The following ARB2A variants were observed in gnomAD, a reference collection of about 807,000 sequenced individuals.
ARB2A encodes ARB2 cotranscriptional regulator A.
At chr5:93,824,215 G>A in the ARB2A span, 2 of 1,593,128 alleles carry the variant, frequency 1.3e-6, no homozygotes, top group Non-Finnish European at 1.7e-6. Flanking sequence ...AGCAGCCTGA[G>A]CTATGAAATG....
At chr5:94,065,273 G>A in the ARB2A span, among the ~76,000 whole-genome samples, 1 of 152,148 alleles carries the variant, frequency 6.6e-6, no homozygotes, top group Non-Finnish European at 1.5e-5. Flanking sequence ...CAGCACTTTG[G>A]GGGGCTGAGG....
the ARB2A span, among the ~76,000 whole-genome samples, chr5:93,995,089 G>A: frequency 6.6e-6 from 1 of 152,080 alleles, no homozygotes; most frequent in Non-Finnish European, 1.5e-5. Flanking sequence ...AAAGTTGAGA[G>A]AAATGTAAAC....
chr5:93,899,062 A>G, the ARB2A span, among the ~76,000 whole-genome samples: 8 of 152,284 alleles, frequency 5.3e-5, no homozygotes, highest in East Asian at 1.5e-3. Flanking sequence ...TATGGTAAAT[A>G]GTTCCTAATT....
At chr5:93,971,011 T>A in the ARB2A span, among the ~76,000 whole-genome samples, 17 of 152,092 alleles carry the variant, frequency 1.1e-4, 1 homozygote, top group East Asian at 7.8e-4. Flanking sequence ...CTTTTTTTTT[T>A]AATTTGAGAT....
At chr5:94,039,577 G>A in the ARB2A span, among the ~76,000 whole-genome samples, 1 of 152,178 alleles carries the variant, frequency 6.6e-6, no homozygotes. Context: ...TGGGCAACCA[G>A]CAGCCCTCAG....
chr5:94,010,485 T>C, the ARB2A span, among the ~76,000 whole-genome samples: 1 of 152,130 alleles, frequency 6.6e-6, no homozygotes, highest in Non-Finnish European at 1.5e-5. Context: ...TGGAGAACTT[T>C]TCTTTCTGAA....
At chr5:93,714,451 TCTTTACATGCAATTTTTAAG>T in the ARB2A span, among the ~76,000 whole-genome samples, 6 of 152,342 alleles carry the variant, frequency 3.9e-5, no homozygotes, top group East Asian at 1.2e-3. Context: ...CAAATCCATT[TCTTTACATGCAATTTTTAAG>T]CTCACTGTAA....
the ARB2A span, among the ~76,000 whole-genome samples, chr5:94,015,265 C>T: frequency 6.6e-6 from 1 of 151,950 alleles, no homozygotes; most frequent in Non-Finnish European, 1.5e-5. Context: ...GAAAGAAAAA[C>T]AACTACCATC....
chr5:94,074,088 G>A, the ARB2A span, among the ~76,000 whole-genome samples: 1 of 151,998 alleles, frequency 6.6e-6, no homozygotes, highest in Non-Finnish European at 1.5e-5. Context: ...GACCCTAAAG[G>A]TCTCAGTGCC....
At chr5:93,994,311 A>G in the ARB2A span, among the ~76,000 whole-genome samples, 17 of 152,204 alleles carry the variant, frequency 1.1e-4, no homozygotes, top group Admixed American at 1.1e-3. Flanking sequence ...TGGTTCACAC[A>G]CACAATGAAA....
chr5:93,784,402 A>G, the ARB2A span: 2 of 1,613,276 alleles, frequency 1.2e-6, no homozygotes, highest in East Asian at 4.5e-5. Context: ...CCATTCTCGA[A>G]TCGTTTTGCC....
chr5:93,772,951 G>T, the ARB2A span, among the ~76,000 whole-genome samples: 1 of 152,224 alleles, frequency 6.6e-6, no homozygotes, highest in Non-Finnish European at 1.5e-5. Flanking sequence ...ATGACCTTTT[G>T]AAGACTCAGC....
chr5:93,931,778 C>G, the ARB2A span, among the ~76,000 whole-genome samples: 1 of 151,940 alleles, frequency 6.6e-6, no homozygotes, highest in Non-Finnish European at 1.5e-5. Context: ...AAGCCCCTAT[C>G]ATAAAGCCAC....
At chr5:93,862,211 T>C in the ARB2A span, 4 of 152,260 alleles carry the variant, frequency 2.6e-5, no homozygotes, top group Non-Finnish European at 5.9e-5. Flanking sequence ...AGCTACTATC[T>C]ACACATTTCT....
chr5:93,907,369 A>C, the ARB2A span, among the ~76,000 whole-genome samples: 2 of 151,502 alleles, frequency 1.3e-5, no homozygotes, highest in Admixed American at 1.3e-4. Flanking sequence ...ACACCATTTC[A>C]ATCAATTATG....
At chr5:93,943,721 G>A in the ARB2A span, among the ~76,000 whole-genome samples, 6 of 152,036 alleles carry the variant, frequency 3.9e-5, no homozygotes, top group African/African-American at 7.2e-5. Context: ...AGTTAAGAAC[G>A]TGTTAACTAA....
At chr5:93,948,407 T>C in the ARB2A span, among the ~76,000 whole-genome samples, 1 of 152,226 alleles carries the variant, frequency 6.6e-6, no homozygotes, top group Non-Finnish European at 1.5e-5. Flanking sequence ...TTCTGGATAT[T>C]AGCCCTTTGT....
the ARB2A span, among the ~76,000 whole-genome samples, chr5:93,898,262 CCTTA>C: frequency 2.0e-5 from 3 of 151,856 alleles, no homozygotes; most frequent in Admixed American, 2.0e-4. Flanking sequence ...CCTGGATTTT[CCTTA>C]CTATCTTTTT....
At chr5:93,984,212 A>G in the ARB2A span, among the ~76,000 whole-genome samples, 2 of 152,310 alleles carry the variant, frequency 1.3e-5, no homozygotes, top group African/African-American at 4.8e-5. Context: ...TAAGTAATAT[A>G]TAACACAGGA....
Sources: allele counts gnomAD v4.1 joint callset (sites outside exome capture counted in the v4.1 genomes callset), GRCh38; gene constraint gnomAD v4.1.1; transcripts MANE v1.5; gene names NCBI Gene and HGNC (gene_info 2026-07-23, HGNC 2026-07-21).